MROH9: variants seen among roughly 807,000 people sequenced by gnomAD.
MROH9 encodes the protein maestro heat like repeat family member 9, also known as maestro heat-like repeat-containing protein family member 9.
In MROH9, 92 loss-of-function variants were observed where a neutral mutation model predicts 98.2. That is an observed-to-expected ratio of 0.94 (90% CI 0.79 to 1.11). The LOEUF (loss-of-function observed/expected upper bound fraction) is 1.11. MROH9 is among the 50% of genes most tolerant of loss of function. The pLI, the probability that MROH9 is intolerant of heterozygous loss-of-function variation, is 0.00. For synonymous variants in MROH9, 397 were observed against 368.9 expected (o/e 1.08, Z -0.87); for missense variants, 1,057 against 1,014.8 (o/e 1.04, Z -0.57).
chr1:171,056,348 A>T (rs1361876351), intron 20 of MROH9, among the ~76,000 whole-genome samples: 1 of 152,180 alleles, frequency 6.6e-6, no homozygotes, highest in Non-Finnish European at 1.5e-5. Context: ...TGTCCCCAAC[A>T]GCCCAACATA....
chr1:171,037,676 C>G (rs1178912617), intron 20 of MROH9, among the ~76,000 whole-genome samples: 1 of 151,876 alleles, frequency 6.6e-6, no homozygotes, highest in African/African-American at 2.4e-5. Context: ...AGAATAATGA[C>G]AGAGGACTAG....
At chr1:170,970,740 G>A (rs1357406457) in intron 7 of MROH9, among the ~76,000 whole-genome samples, 52 of 142,540 alleles carry the variant, frequency 3.6e-4, no homozygotes, top group Admixed American at 7.4e-4. Context: ...GTGAGAGAGA[G>A]AGAGAGAGAG....
At chr1:171,005,602 C>T (rs1325914032) in intron 15 of MROH9, among the ~76,000 whole-genome samples, 1 of 152,112 alleles carries the variant, frequency 6.6e-6, no homozygotes, top group Non-Finnish European at 1.5e-5. Context: ...AGAAATGCAA[C>T]TGACTTTTGT....
intron 8 of MROH9, among the ~76,000 whole-genome samples, chr1:170,974,509 C>T (rs1650607156): frequency 6.6e-6 from 1 of 151,512 alleles, no homozygotes; most frequent in Non-Finnish European, 1.5e-5. Flanking sequence ...AATGAAGGAA[C>T]ATCATAAAAT....
At chr1:171,059,608 T>C (rs1027170275) in intron 20 of MROH9, among the ~76,000 whole-genome samples, 2 of 151,676 alleles carry the variant, frequency 1.3e-5, no homozygotes, top group Admixed American at 1.3e-4. Flanking sequence ...ATTGCAGCAT[T>C]GTAAAGTCAT....
chr1:171,028,921 T>G (rs767790841), intron 20 of MROH9, among the ~76,000 whole-genome samples: 22 of 152,180 alleles, frequency 1.4e-4, no homozygotes, highest in Non-Finnish European at 3.1e-4. Flanking sequence ...TGGGCTGAGG[T>G]GATGGAGTTT....
At chr1:171,033,855 G>A (rs1389639007) in intron 20 of MROH9, among the ~76,000 whole-genome samples, 4 of 152,100 alleles carry the variant, frequency 2.6e-5, no homozygotes, top group South Asian at 2.1e-4. Flanking sequence ...CTACAACAGA[G>A]CAAAAGTCTT....
chr1:170,997,669 C>T (rs1273321762), intron 14 of MROH9, among the ~76,000 whole-genome samples: 1 of 152,182 alleles, frequency 6.6e-6, no homozygotes, highest in Non-Finnish European at 1.5e-5. Context: ...AGGCTGTCCA[C>T]CACCCAAGTG....
chr1:170,956,892 G>A (rs181770057), intron 3 of MROH9, among the ~76,000 whole-genome samples: 2 of 152,104 alleles, frequency 1.3e-5, no homozygotes, highest in Non-Finnish European at 2.9e-5. Context: ...GTACTATGTT[G>A]AAGAGGAGTG....
intron 12 of MROH9, 87 bp from the exon 13 acceptor site, chr1:170,995,302 G>T: frequency 6.9e-7 from 1 of 1,452,704 alleles, no homozygotes; most frequent in South Asian, 1.2e-5. Context: ...AGGGGTTGCA[G>T]AGTCACTCTC....
chr1:171,059,821 T>C (rs1043837589), intron 20 of MROH9, among the ~76,000 whole-genome samples: 1 of 151,470 alleles, frequency 6.6e-6, no homozygotes, highest in Admixed American at 6.6e-5. Flanking sequence ...TAAGTGGGAG[T>C]TGAACAATGA....
chr1:171,017,297 G>A (rs894015866), intron 17 of MROH9, among the ~76,000 whole-genome samples: 10 of 152,338 alleles, frequency 6.6e-5, no homozygotes, highest in Middle Eastern at 3.4e-3. Flanking sequence ...CCCATGGAGA[G>A]GAAGGCAGAG....
intron 17 of MROH9, among the ~76,000 whole-genome samples, chr1:171,020,414 C>T (rs1652478813): frequency 6.6e-6 from 1 of 152,148 alleles, no homozygotes; most frequent in Admixed American, 6.6e-5. Flanking sequence ...ACTTATCCAC[C>T]ATGATCAGGT....
intron 15 of MROH9, among the ~76,000 whole-genome samples, chr1:171,002,991 A>T (rs1557893839): frequency 6.6e-6 from 1 of 151,262 alleles, no homozygotes; most frequent in Non-Finnish European, 1.5e-5. Context: ...TAATTTGAAG[A>T]CCTTGTCTTT....
At chr1:171,022,953 C>T (rs1191691311) in intron 17 of MROH9, among the ~76,000 whole-genome samples, 1 of 152,094 alleles carries the variant, frequency 6.6e-6, no homozygotes, top group African/African-American at 2.4e-5. Context: ...ATAAAGTAGT[C>T]AGAGCGCTCA....
rs115633536 is a variant in MROH9, at chr1:170,950,637, C to G, written c.72+3064C>G. 2.6e-3 allele frequency among the ~76,000 whole-genome samples: 391 copies of G among 152,212 alleles called. 5 individuals carry two copies. Among genetic ancestry groups the G allele is most frequent in the African/African-American group, 8.7e-3 (363 of 41,546 alleles). The stretch of plus-strand genomic sequence containing the variant: ...GAGAAGGGGAAGACTTGGAAACGTT[C>G]ACTGTTTACGCTTTTGTACTGTACT... On this transcript the variant is annotated intron_variant, in intron 3 of 21. Transcript: ENST00000367759.
intron 7 of MROH9, among the ~76,000 whole-genome samples, chr1:170,971,028 T>C (rs1244778997): frequency 6.6e-6 from 1 of 152,144 alleles, no homozygotes; most frequent in East Asian, 1.9e-4. Context: ...ACATGCAAAA[T>C]TGGTAAAGGC....
intron 6 of MROH9, among the ~76,000 whole-genome samples, chr1:170,963,029 A>G (rs1459751326): frequency 1.3e-5 from 2 of 152,158 alleles, no homozygotes; most frequent in South Asian, 2.1e-4. Flanking sequence ...GAAAGAAACT[A>G]TCAACAGAGT....
intron 19 of MROH9, 82 bp from the exon 20 acceptor site, chr1:171,025,236 G>T (rs1652666367): frequency 3.9e-6 from 3 of 777,152 alleles, no homozygotes; most frequent in Non-Finnish European, 6.4e-6. Flanking sequence ...GTCCTGATTT[G>T]GTATGTTGAA....
Sources: allele counts gnomAD v4.1 joint callset (sites outside exome capture counted in the v4.1 genomes callset), GRCh38; gene constraint gnomAD v4.1.1; transcripts MANE v1.5; gene names NCBI Gene and HGNC (gene_info 2026-07-23, HGNC 2026-07-21).